The following SPATA7 variants were observed in gnomAD, a reference collection of about 807,000 sequenced individuals.
SPATA7 encodes spermatogenesis-associated protein 7.
SPATA7 carries 43 observed loss-of-function variants against 51.8 expected under a neutral mutation model. The observed-to-expected ratio is 0.83, with a 90% confidence interval of 0.65 to 1.07. The LOEUF (loss-of-function observed/expected upper bound fraction) is 1.07. SPATA7 is among the 50% of genes least tolerant of loss of function. SPATA7 has a pLI of 0.00. For synonymous variants in SPATA7, 230 were observed against 252.8 expected (o/e 0.91, Z 0.86); for missense variants, 683 against 701.3 (o/e 0.97, Z 0.30).
chr14:88,464,418 CAA>C (rs1267686341), intron 4 of SPATA7, among the ~76,000 whole-genome samples: 1 of 152,038 alleles, frequency 6.6e-6, no homozygotes, highest in Non-Finnish European at 1.5e-5. Flanking sequence ...CATTTCTATC[CAA>C]AAGAGTTCCT....
intron 4 of SPATA7, among the ~76,000 whole-genome samples, chr14:88,408,806 T>C (rs2076264023): frequency 6.6e-6 from 1 of 152,226 alleles, no homozygotes; most frequent in South Asian, 2.1e-4. Flanking sequence ...TATTGAGGGT[T>C]TTTAGCATGA....
chr14:88,449,333 A>G (rs1273342487), intron 3 of SPATA7, among the ~76,000 whole-genome samples: 1 of 152,172 alleles, frequency 6.6e-6, no homozygotes, highest in African/African-American at 2.4e-5. Flanking sequence ...TTGTTGACCC[A>G]GTGATCATTC....
chr14:88,432,517 G>A (rs1260342134), intron 9 of SPATA7: 3 of 152,184 alleles, frequency 2.0e-5, no homozygotes, highest in Non-Finnish European at 4.4e-5. Context: ...AGAGAAGTGT[G>A]TTCAAGTAGT....
chr14:88,446,041 G>C (rs1446339760), intron 3 of SPATA7, among the ~76,000 whole-genome samples: 1 of 152,156 alleles, frequency 6.6e-6, no homozygotes, highest in East Asian at 1.9e-4. Flanking sequence ...CTATGGATTG[G>C]AATAGTTTCA....
downstream of SPATA7, among the ~76,000 whole-genome samples, chr14:88,458,895 G>A (rs1317967090): frequency 1.3e-5 from 2 of 152,178 alleles, no homozygotes; most frequent in African/African-American, 4.8e-5. Flanking sequence ...TGCTTTAAAT[G>A]TGTCCCAGAG....
chr14:88,470,171 A>T (rs2077438406), exon 5 of SPATA7: 1 of 853,206 alleles, frequency 1.2e-6, no homozygotes, highest in African/African-American at 1.7e-5. Flanking sequence ...AAAAAGTAGT[A>T]AACTGGATTA....
Position 88,431,226 on chromosome 14 carries a change from G to C in SPATA7, c.1082+1G>C, listed in dbSNP as rs2076932183. 6.2e-7 allele frequency: 1 copy of C among 1,612,716 alleles called. No individual in the cohort carries two copies. The highest frequency in any genetic ancestry group is 1.7e-5 in the Admixed American group (1 of 59,980). ...CTTCAACTCGTAAAATCTACTCTGA[G>C]TAAGATCTTTTTTAAGTCTTCGTTT... On this transcript the variant is annotated splice_donor_variant, in intron 9 of 11. Transcript: ENST00000393545. LOFTEE classifies it high-confidence loss of function.
chr14:88,457,602 C>T (rs2077292367), downstream of SPATA7, among the ~76,000 whole-genome samples: 4 of 152,150 alleles, frequency 2.6e-5, no homozygotes, highest in Admixed American at 2.6e-4. Context: ...GCTGAAGTTG[C>T]TTATCAGCTT....
In SPATA7 at chr14:88,452,558, C is replaced by T. The variant is rs114945913; in HGVS notation, c.178-2502C>T. Among the ~76,000 whole-genome samples, 487 of 152,214 alleles carry T rather than the reference C, an allele frequency of 3.2e-3. 5 individuals are homozygous for T. The highest frequency in any genetic ancestry group is 0.012 in the African/African-American group (478 of 41,498). ...AGAGCCTACAGCAGCAATCCATCTC[C>T]TTCTGTCTGCTCAATTCTCTTGGCT... On this transcript the variant is annotated intron_variant, in intron 3 of 3. Coordinates refer to the SPATA7 transcript ENST00000554802.
chr14:88,464,382 A>C (rs1190282815), intron 4 of SPATA7, among the ~76,000 whole-genome samples: 1 of 152,180 alleles, frequency 6.6e-6, no homozygotes, highest in Non-Finnish European at 1.5e-5. Flanking sequence ...TCCACATGAA[A>C]TCTTGCTGAT....
chr14:88,416,685 T>C, intron 4 of SPATA7, 26 bp from the exon 5 acceptor site: 1 of 1,611,752 alleles, frequency 6.2e-7, no homozygotes, highest in African/African-American at 1.3e-5. Flanking sequence ...TGTTCCATAT[T>C]TTGAAAGATT....
chr14:88,458,829 C>G (rs2077300672), downstream of SPATA7, among the ~76,000 whole-genome samples: 1 of 152,042 alleles, frequency 6.6e-6, no homozygotes, highest in Admixed American at 6.6e-5. Flanking sequence ...GTCAATTTTA[C>G]ATCTTTCCTG....
intron 4 of SPATA7, among the ~76,000 whole-genome samples, chr14:88,404,982 T>G (rs1388406243): frequency 6.6e-6 from 1 of 152,182 alleles, no homozygotes; most frequent in Non-Finnish European, 1.5e-5. Flanking sequence ...AAAGAATATG[T>G]CATATGGTAA....
At chr14:88,386,457 G>A (rs989398301) in intron 1 of SPATA7, among the ~76,000 whole-genome samples, 1 of 152,128 alleles carries the variant, frequency 6.6e-6, no homozygotes, top group Non-Finnish European at 1.5e-5. Flanking sequence ...GTCCCTTGGG[G>A]GTGGCTGAGA....
chr14:88,393,618 GT>G lies in SPATA7; in HGVS notation c.190+131del, dbSNP rs373948205. On this transcript the variant is annotated intron_variant, in intron 3 of 11. Transcript: ENST00000393545. ...AGGATTTGTATTTGTTTGGTTTAGT[GT>G]GATACAAACTATTGACTCTAGGTAC... 7.2e-4 allele frequency: 554 copies of G among 772,940 alleles called. 3 individuals are homozygous for G. In the African/African-American group the frequency reaches 8.3e-3, roughly 12 times the overall value. The allele number at this position is 772,940 out of a possible 1,614,324, so 47.9% of individuals were successfully genotyped here.
At chr14:88,449,061 C>T (rs2077233646) in intron 3 of SPATA7, among the ~76,000 whole-genome samples, 1 of 151,946 alleles carries the variant, frequency 6.6e-6, no homozygotes, top group Non-Finnish European at 1.5e-5. Flanking sequence ...GTTTCAATTT[C>T]ATTTAATTCT....
intron 4 of SPATA7, among the ~76,000 whole-genome samples, chr14:88,409,480 TTTC>T (rs1398574080): frequency 6.6e-6 from 1 of 152,194 alleles, no homozygotes; most frequent in Non-Finnish European, 1.5e-5. Context: ...GATTCTCTAT[TTTC>T]TTCTTTATTA....
At chr14:88,457,857 G>GT (rs535707318), downstream of SPATA7, among the ~76,000 whole-genome samples, 1,814 of 152,252 alleles carry the variant, frequency 0.012, 18 homozygotes, top group African/African-American at 0.042. Flanking sequence ...GATATTGGCT[G>GT]TGGGTTTGTC....
intron 5 of SPATA7, among the ~76,000 whole-genome samples, chr14:88,421,349 G>T (rs1363652266): frequency 1.3e-5 from 2 of 152,018 alleles, no homozygotes; most frequent in Non-Finnish European, 2.9e-5. Flanking sequence ...TTTGTTTTCT[G>T]CCCCTAGCAC....
Sources: gnomAD v4.1 joint callset for allele counts (sites outside exome capture counted in the v4.1 genomes callset) on GRCh38, gnomAD v4.1.1 for gene constraint, MANE v1.5 for transcripts, NCBI Gene and HGNC (gene_info 2026-07-23, HGNC 2026-07-21) for gene names.